The following NCK1 variants were observed in gnomAD, a reference collection of about 807,000 sequenced individuals.
NCK1 encodes the protein NCK adaptor protein 1, also known as SH2/SH3 adapter protein NCK1.
NCK1 carries 19 observed loss-of-function variants against 36.6 expected under a neutral mutation model. The ratio of observed to expected loss-of-function variants is 0.52; its 90% confidence interval spans 0.36 to 0.76. The LOEUF is 0.76. Among genes scored for constraint, NCK1 ranks in the 30% least tolerant of loss-of-function variants. The probability of loss-of-function intolerance (pLI) is 0.00; values close to 1 mark genes in which losing one functional copy is unlikely to be tolerated. For synonymous variants in NCK1, 165 were observed against 156.0 expected, an observed-to-expected ratio of 1.06 and a Z score of -0.43; for missense variants, 358 against 445.6, an observed-to-expected ratio of 0.80 and a Z score of 1.77.
At chr3:136,894,767 TA>T (rs1171981713) in intron 1 of NCK1, among the ~76,000 whole-genome samples, 12 of 152,222 alleles carry the variant, frequency 7.9e-5, no homozygotes, top group Non-Finnish European at 1.6e-4. Context: ...CTGTGTCTGA[TA>T]AGTTGTTTCC....
At chr3:136,946,851 A>T (rs1305630437) in intron 3 of NCK1, 1 of 152,494 alleles carries the variant, frequency 6.6e-6, no homozygotes, top group Non-Finnish European at 1.5e-5. Flanking sequence ...AAGATAAATT[A>T]TATTGCAATA....
intron 3 of NCK1, among the ~76,000 whole-genome samples, chr3:136,947,873 G>A (rs1940868732): frequency 6.6e-6 from 1 of 152,102 alleles, no homozygotes; most frequent in South Asian, 2.1e-4. Flanking sequence ...GGTTGGGTGG[G>A]TATCTTAGAC....
chr3:136,915,921 T>C (rs1021016923), intron 1 of NCK1, among the ~76,000 whole-genome samples: 8 of 152,100 alleles, frequency 5.3e-5, no homozygotes, highest in African/African-American at 1.9e-4. Context: ...AGACAGGGTT[T>C]CACCACGTTG....
chr3:136,940,002 C>T (rs1289255076), intron 2 of NCK1, among the ~76,000 whole-genome samples: 6 of 151,884 alleles, frequency 4.0e-5, no homozygotes, highest in Admixed American at 1.3e-4. Flanking sequence ...CAGGAATGCA[C>T]CACCACACCT....
chr3:136,867,113 TTTC>T lies in NCK1; in HGVS notation c.-19+4763_-19+4765del, dbSNP rs1938457687. Among the ~76,000 whole-genome samples, 28 of 29,116 alleles carry T rather than the reference TTTC, an allele frequency of 9.6e-4. 4 individuals carry two copies. Among genetic ancestry groups the T allele is most frequent in the African/African-American group, 2.6e-3 (21 of 8,086 alleles). 19.1% of individuals were successfully genotyped at this position (29,116 alleles called of 152,430 possible). A position where few individuals can be genotyped will look rare whatever the true frequency, so the allele number is the denominator to read the frequency against. ...CTTTCTTTCTTTCTTTCTTTCTTTCTTTCTTTGTTTCTTTCTTTCCTTCCTTCC... is the reference window on the plus strand; with the variant it reads ...CTTTCTTTCTTTCTTTCTTTCTTTCTTTTGTTTCTTTCTTTCCTTCCTTCC... On this transcript the variant is annotated intron_variant, in intron 1 of 3. Transcript: ENST00000481752.
chr3:136,911,450 C>T (rs1442059572), intron 1 of NCK1, among the ~76,000 whole-genome samples: 1 of 152,258 alleles, frequency 6.6e-6, no homozygotes, highest in South Asian at 2.1e-4. Flanking sequence ...GCCATGCTAA[C>T]GGATCTTAGT....
chr3:136,929,475 T>C (rs1050199401), intron 2 of NCK1, among the ~76,000 whole-genome samples: 2 of 152,314 alleles, frequency 1.3e-5, no homozygotes, highest in African/African-American at 4.8e-5. Flanking sequence ...TTTAAATACT[T>C]TTGGGTTTTG....
Position 136,928,058 on chromosome 3 carries a change from A to G in NCK1, c.57A>G (p.Gln19=), listed in dbSNP as rs1340314926. 1.2e-6 allele frequency: 2 copies of G among 1,614,054 alleles called. No individual in the cohort carries two copies. Among genetic ancestry groups the G allele is most frequent in the Non-Finnish European group, 1.7e-6 (2 of 1,180,026 alleles). The change falls in exon 2 of 4, where the codon CAA becomes CAG. Residue 19 remains glutamine (Q), a synonymous_variant. Transcript: ENST00000481752. The part of the protein sequence containing the change: ...AKFDYVAQQE[Q]ELDIKKNERL... ...TTGATTATGTGGCCCAACAAGAACAAGAGTTGGACATCAAGAAGAATGAGA... is the reference window on the plus strand; with the variant it reads ...TTGATTATGTGGCCCAACAAGAACAGGAGTTGGACATCAAGAAGAATGAGA...
intron 1 of NCK1, among the ~76,000 whole-genome samples, chr3:136,923,282 G>T (rs554775662): frequency 7.6e-4 from 111 of 146,162 alleles, no homozygotes; most frequent in Admixed American, 7.8e-4. Context: ...CAGGCCGGGC[G>T]CGGTGGCTCA....
chr3:136,864,729 T>C (rs1576934807), intron 1 of NCK1, among the ~76,000 whole-genome samples: 1 of 150,438 alleles, frequency 6.6e-6, no homozygotes, highest in East Asian at 2.0e-4. Context: ...AGATACTTAG[T>C]GATACTTCAT....
At chr3:136,899,424 T>TC in intron 1 of NCK1, 1 of 281,396 alleles carries the variant, frequency 3.6e-6, no homozygotes, top group South Asian at 4.6e-5. Context: ...CTTTTCTTTT[T>TC]TTTTTTTTTA....
At chr3:136,920,728 T>C (rs1285062441) in intron 1 of NCK1, among the ~76,000 whole-genome samples, 1 of 152,180 alleles carries the variant, frequency 6.6e-6, no homozygotes, top group Non-Finnish European at 1.5e-5. Flanking sequence ...GCAATAATCT[T>C]GCTAAATTAT....
At chr3:136,876,021 A>G (rs1193311848) in intron 1 of NCK1, among the ~76,000 whole-genome samples, 1 of 151,790 alleles carries the variant, frequency 6.6e-6, no homozygotes, top group Non-Finnish European at 1.5e-5. Context: ...GCTCAACTAC[A>G]TGGAAACTGA....
intron 1 of NCK1, among the ~76,000 whole-genome samples, chr3:136,907,945 T>C (rs1939731114): frequency 6.6e-6 from 1 of 152,216 alleles, no homozygotes; most frequent in Non-Finnish European, 1.5e-5. Context: ...GGTAATATCA[T>C]GGTCAGCAAG....
Position 136,899,720 on chromosome 3 carries a change from C to T in NCK1, c.-18-28264C>T, listed in dbSNP as rs949083460. ...AATTAGAGATACGAGGAGACTTACT[C>T]ACTGTTTCTGTTCTACTATTGCCAT... On this transcript the variant is annotated intron_variant, in intron 1 of 3. Coordinates refer to ENST00000481752, the MANE Select transcript of NCK1 (RefSeq NM_001291999.2). The T allele has an allele frequency of 2.0e-5, 17 of 855,458 alleles. No homozygotes were observed. The African/African-American group carries it at 2.8e-4, about 14-fold the overall frequency. The allele number at this position is 855,458 out of a possible 1,614,324, so 53.0% of individuals were successfully genotyped here. A position where few individuals can be genotyped will look rare whatever the true frequency, so the allele number is the denominator to read the frequency against.
chr3:136,888,697 A>G (rs1576954161), intron 1 of NCK1, among the ~76,000 whole-genome samples: 1 of 151,796 alleles, frequency 6.6e-6, no homozygotes, highest in South Asian at 2.1e-4. Flanking sequence ...GCAATGCCAT[A>G]CTCATTAGTT....
At chr3:136,886,835 T>C (rs79249447) in intron 1 of NCK1, among the ~76,000 whole-genome samples, 59 of 138,308 alleles carry the variant, frequency 4.3e-4, no homozygotes, top group African/African-American at 1.4e-3. Context: ...TTTTTTTTTT[T>C]CCTATCTTTC....
At chr3:136,948,117 A>T (rs563207006) in intron 3 of NCK1, 142 bp from the exon 4 acceptor site, 14 of 575,882 alleles carry the variant, frequency 2.4e-5, no homozygotes, top group Middle Eastern at 5.1e-4. Context: ...TTTGAAGAGT[A>T]AAGGAGATAA....
intron 1 of NCK1, among the ~76,000 whole-genome samples, chr3:136,924,980 A>G (rs969643492): frequency 1.1e-4 from 17 of 152,332 alleles, no homozygotes; most frequent in Admixed American, 5.2e-4. Context: ...ATGGGATTCC[A>G]GTTCCCCCAC....
Sources: allele counts gnomAD v4.1 joint callset (sites outside exome capture counted in the v4.1 genomes callset), GRCh38; gene constraint gnomAD v4.1.1; transcripts MANE v1.5; gene names NCBI Gene and HGNC (gene_info 2026-07-23, HGNC 2026-07-21).